GPHN: variants seen among roughly 807,000 people sequenced by gnomAD.
The protein encoded by GPHN is gephyrin.
A neutral mutation model predicts 95.5 loss-of-function variants in GPHN; 17 were observed. That is an observed-to-expected ratio of 0.18 (90% CI 0.12 to 0.27). GPHN has a LOEUF of 0.27. Among genes scored for constraint, GPHN ranks in the 10% least tolerant of loss-of-function variants. The pLI is 1.00. For missense variants in GPHN, 660 were observed against 978.1 expected, an observed-to-expected ratio of 0.67 and a Z score of 4.34; for synonymous variants, 320 against 322.5, an observed-to-expected ratio of 0.99 and a Z score of 0.08.
At chr14:66,795,113 TAGAG>T (rs977244164) in intron 3 of GPHN, among the ~76,000 whole-genome samples, 3 of 151,562 alleles carry the variant, frequency 2.0e-5, no homozygotes, top group East Asian at 1.9e-4. Flanking sequence ...GATAGACAGA[TAGAG>T]AGGCACACTA....
At chr14:66,999,276 T>G (rs1183417828) in intron 9 of GPHN, among the ~76,000 whole-genome samples, 5 of 134,558 alleles carry the variant, frequency 3.7e-5, no homozygotes, top group African/African-American at 1.3e-4. Flanking sequence ...ATACAAAACT[T>G]TAATTAATAC....
the GPHN span, chr14:67,674,674 A>T: frequency 2.1e-6 from 1 of 473,456 alleles, no homozygotes; most frequent in Non-Finnish European, 3.7e-6. Context: ...TTCTCCAGCC[A>T]GTGATTGCTG....
At chr14:67,340,647 G>A in the GPHN span, 1 of 772,018 alleles carries the variant, frequency 1.3e-6, no homozygotes. Context: ...CAGAGAACTT[G>A]GAAAATAAAA....
chr14:66,735,692 G>T (rs2072197934), intron 2 of GPHN, among the ~76,000 whole-genome samples: 1 of 151,998 alleles, frequency 6.6e-6, no homozygotes, highest in African/African-American at 2.4e-5. Context: ...TTCTGATATA[G>T]CCAAATTTTA....
At chr14:67,688,821 G>A in the GPHN span, among the ~76,000 whole-genome samples, 1 of 152,134 alleles carries the variant, frequency 6.6e-6, no homozygotes, top group African/African-American at 2.4e-5. Flanking sequence ...CTTGCTAATT[G>A]TCTTTCTCCC....
intron 5 of GPHN, among the ~76,000 whole-genome samples, chr14:66,912,803 T>C (rs1050877302): frequency 6.6e-6 from 1 of 152,160 alleles, no homozygotes; most frequent in African/African-American, 2.4e-5. Flanking sequence ...ATGTACTAGA[T>C]TATACTGTAC....
intron 15 of GPHN, among the ~76,000 whole-genome samples, chr14:67,112,440 T>C (rs2078431856): frequency 6.6e-6 from 1 of 152,246 alleles, no homozygotes; most frequent in Non-Finnish European, 1.5e-5. Context: ...TAATACTAAT[T>C]TGCTGAACAT....
the GPHN span, chr14:67,691,141 C>T: frequency 6.2e-7 from 1 of 1,608,988 alleles, no homozygotes; most frequent in East Asian, 2.2e-5. Flanking sequence ...ATTTCTTACC[C>T]AAGTGGTTGA....
chr14:67,424,382 C>T, the GPHN span, among the ~76,000 whole-genome samples: 26 of 152,050 alleles, frequency 1.7e-4, no homozygotes, highest in African/African-American at 6.3e-4. Flanking sequence ...CTCTGGGAAG[C>T]TGAGGCAGGC....
the GPHN span, chr14:67,650,969 A>C: frequency 1.3e-6 from 2 of 1,551,220 alleles, no homozygotes; most frequent in Non-Finnish European, 1.8e-6. Flanking sequence ...CAGAATTATG[A>C]GGCATTGAGG....
At chr14:66,714,016 G>A (rs543660757) in intron 2 of GPHN, among the ~76,000 whole-genome samples, 6 of 152,216 alleles carry the variant, frequency 3.9e-5, no homozygotes, top group South Asian at 4.2e-4. Context: ...TGATCTGCCC[G>A]CCTTGGCCTC....
chr14:66,687,486 G>GTTTTTTTTTTTTTTTTTTTTTTTGTT, intron 2 of GPHN, among the ~76,000 whole-genome samples: 1 of 124,944 alleles, frequency 8.0e-6, no homozygotes, highest in Non-Finnish European at 1.7e-5. Flanking sequence ...ATTTTATTTG[G>GTTTTTTTTTTTTTTTTTTTTTTTGTT]TTTTTTTTTT....
At chr14:66,633,498 A>G (rs181224171) in intron 1 of GPHN, among the ~76,000 whole-genome samples, 34 of 152,260 alleles carry the variant, frequency 2.2e-4, no homozygotes, top group African/African-American at 7.9e-4. Flanking sequence ...AGATTTATCT[A>G]TATTGTGCTG....
the GPHN span, among the ~76,000 whole-genome samples, chr14:67,437,152 C>A: frequency 0.014 from 2,188 of 152,292 alleles, 60 homozygotes; most frequent in African/African-American, 0.05. Flanking sequence ...ATCTTTAATC[C>A]CAAAGTACTT....
intron 10 of GPHN, among the ~76,000 whole-genome samples, chr14:67,047,322 GTGTGTGTGTGTT>G (rs1242089248): frequency 4.3e-5 from 5 of 116,418 alleles, no homozygotes; most frequent in African/African-American, 9.7e-5. Flanking sequence ...TTTATTTTGT[GTGTGTGTGTGTT>G]TGTGTGTGTG....
the GPHN span, among the ~76,000 whole-genome samples, chr14:67,212,608 TATATATGTA>T: frequency 6.9e-6 from 1 of 145,092 alleles, no homozygotes; most frequent in African/African-American, 2.5e-5. Flanking sequence ...AATATATATA[TATATATGTA>T]ATATATATTA....
chr14:66,785,575 C>A (rs577759139), intron 3 of GPHN, among the ~76,000 whole-genome samples: 3 of 150,762 alleles, frequency 2.0e-5, no homozygotes, highest in Non-Finnish European at 4.4e-5. Flanking sequence ...AAAAATTAAA[C>A]AACACACATT....
chr14:67,537,039 CAAT>C, the GPHN span, among the ~76,000 whole-genome samples: 1 of 147,280 alleles, frequency 6.8e-6, no homozygotes, highest in Non-Finnish European at 1.5e-5. Flanking sequence ...GACTCCATCT[CAAT>C]AATAATAATA....
the GPHN span, among the ~76,000 whole-genome samples, chr14:67,601,621 G>GT: frequency 0.14 from 21,983 of 152,216 alleles, 2,030 homozygotes; most frequent in East Asian, 0.25. Flanking sequence ...ACTTGTGATG[G>GT]GCTGGGCATG....
Sources: allele counts gnomAD v4.1 joint callset (sites outside exome capture counted in the v4.1 genomes callset), GRCh38; gene constraint gnomAD v4.1.1; transcripts MANE v1.5; gene names NCBI Gene and HGNC (gene_info 2026-07-23, HGNC 2026-07-21).